The following SAMD12 variants were observed in gnomAD, a reference collection of about 807,000 sequenced individuals.
The protein encoded by SAMD12 is sterile alpha motif domain-containing protein 12.
In SAMD12, 9 loss-of-function variants were observed where a neutral mutation model predicts 15.0. That is an observed-to-expected ratio of 0.60 (90% CI 0.36 to 1.05). The LOEUF (loss-of-function observed/expected upper bound fraction) is 1.05. SAMD12 is among the 50% of genes least tolerant of loss of function. SAMD12 has a pLI of 0.01. For missense variants in SAMD12, 230 were observed against 234.2 expected (o/e 0.98, Z 0.12); for synonymous variants, 86 against 90.1 (o/e 0.96, Z 0.25).
intron 2 of SAMD12, among the ~76,000 whole-genome samples, chr8:118,498,703 G>T (rs1166417317): frequency 1.3e-5 from 2 of 152,156 alleles, no homozygotes; most frequent in African/African-American, 4.8e-5. Flanking sequence ...TACAAAAAAT[G>T]ATATTGCCAA....
chr8:118,252,903 C>T (rs1459382108), intron 4 of SAMD12, among the ~76,000 whole-genome samples: 1 of 152,180 alleles, frequency 6.6e-6, no homozygotes, highest in African/African-American at 2.4e-5. Context: ...GTCCCGGCAG[C>T]AGTCCCAGGC....
chr8:118,586,558 G>A (rs1156809465), intron 1 of SAMD12, among the ~76,000 whole-genome samples: 2 of 152,020 alleles, frequency 1.3e-5, no homozygotes, highest in Non-Finnish European at 2.9e-5. Flanking sequence ...GCCCAGGCTG[G>A]TCTTAGACTC....
At chr8:118,207,551 A>G (rs1819894816) in intron 4 of SAMD12, among the ~76,000 whole-genome samples, 1 of 152,162 alleles carries the variant, frequency 6.6e-6, no homozygotes, top group African/African-American at 2.4e-5. Context: ...CCGTCTCCAC[A>G]ATGTTAGACT....
intron 1 of SAMD12, among the ~76,000 whole-genome samples, chr8:118,589,145 A>G (rs1827519271): frequency 6.6e-6 from 1 of 152,220 alleles, no homozygotes; most frequent in Non-Finnish European, 1.5e-5. Flanking sequence ...TACATCAATG[A>G]GAAAGACAGG....
At chr8:118,188,530 G>A (rs920009621), downstream of SAMD12, among the ~76,000 whole-genome samples, 6 of 152,158 alleles carry the variant, frequency 3.9e-5, no homozygotes, top group African/African-American at 1.4e-4. Context: ...TTTACAGTAA[G>A]CATGTAATAA....
At chr8:118,610,122 G>A (rs1000479732) in intron 1 of SAMD12, among the ~76,000 whole-genome samples, 11 of 152,214 alleles carry the variant, frequency 7.2e-5, no homozygotes, top group South Asian at 2.1e-4. Flanking sequence ...GCTGGGGTAC[G>A]GGTGAATTTG....
intron 1 of SAMD12, among the ~76,000 whole-genome samples, chr8:118,608,626 C>G (rs1828035978): frequency 6.6e-6 from 1 of 152,108 alleles, no homozygotes. Flanking sequence ...GCCTCAGCCT[C>G]CCAAGTAGCT....
rs1586390652 is a variant in SAMD12, at chr8:118,255,717, G to A, written c.434-57985C>T. ...TTTCATGGCTGCATAGTATTCCATGGTGTATATGTGCCACATTTTCTTAAT... is the reference window on the plus strand; with the variant it reads ...TTTCATGGCTGCATAGTATTCCATGATGTATATGTGCCACATTTTCTTAAT... On this transcript the variant is annotated intron_variant, in intron 4 of 4. Coordinates refer to the SAMD12 transcript ENST00000409003. Among the ~76,000 whole-genome samples the A allele has an allele frequency of 2.6e-5, 4 of 151,684 alleles. No individual in the cohort carries two copies. The South Asian group carries it at 6.3e-4, about 24-fold the overall frequency.
intron 4 of SAMD12, among the ~76,000 whole-genome samples, chr8:118,348,667 C>A (rs1017314459): frequency 6.6e-6 from 1 of 152,286 alleles, no homozygotes; most frequent in Non-Finnish European, 1.5e-5. Flanking sequence ...CCACCGCACC[C>A]GGCCCGCTTA....
At chr8:118,166,559 A>G in the SAMD12 span, among the ~76,000 whole-genome samples, 9 of 152,292 alleles carry the variant, frequency 5.9e-5, no homozygotes, top group South Asian at 1.5e-3. Flanking sequence ...TCATCCAAAA[A>G]CCTCAAAGAA....
the SAMD12 span, among the ~76,000 whole-genome samples, chr8:118,151,931 T>C: frequency 0.017 from 2,615 of 150,312 alleles, 75 homozygotes; most frequent in African/African-American, 0.06. Flanking sequence ...CCAAGTGGAG[T>C]GCAGACTCTT....
At chr8:118,503,044 A>G (rs957286868) in intron 2 of SAMD12, among the ~76,000 whole-genome samples, 1 of 152,256 alleles carries the variant, frequency 6.6e-6, no homozygotes, top group Non-Finnish European at 1.5e-5. Context: ...AGGCAGAGAT[A>G]TTAGACACAT....
intron 4 of SAMD12, among the ~76,000 whole-genome samples, chr8:118,318,216 T>G (rs993070738): frequency 2.0e-5 from 3 of 150,834 alleles, no homozygotes; most frequent in Non-Finnish European, 2.9e-5. Flanking sequence ...CCAAAGAAGT[T>G]ATTATATGAA....
At chr8:118,471,417 T>C (rs1207443354) in intron 2 of SAMD12, among the ~76,000 whole-genome samples, 1 of 152,222 alleles carries the variant, frequency 6.6e-6, no homozygotes, top group Non-Finnish European at 1.5e-5. Flanking sequence ...GCAAAAATTT[T>C]AGTTGTACCA....
chr8:118,586,999 GATTT>G (rs144130979), intron 1 of SAMD12, among the ~76,000 whole-genome samples: 116 of 152,274 alleles, frequency 7.6e-4, no homozygotes, highest in African/African-American at 2.6e-3. Flanking sequence ...TGAAACTACT[GATTT>G]ATTTGACTGC....
chr8:118,489,114 G>A (rs1246894616), intron 2 of SAMD12, among the ~76,000 whole-genome samples: 8 of 152,084 alleles, frequency 5.3e-5, no homozygotes, highest in Non-Finnish European at 1.0e-4. Flanking sequence ...TAATGATTAT[G>A]TGTTTATTGG....
intron 2 of SAMD12, among the ~76,000 whole-genome samples, chr8:118,576,386 C>A (rs1043628557): frequency 2.6e-5 from 4 of 152,176 alleles, no homozygotes; most frequent in Non-Finnish European, 5.9e-5. Context: ...CACAGTTTGG[C>A]CCCAGCCTAT....
the SAMD12 span, among the ~76,000 whole-genome samples, chr8:118,163,045 C>A: frequency 6.6e-6 from 1 of 152,106 alleles, no homozygotes; most frequent in Admixed American, 6.5e-5. Context: ...TAAACAGAGG[C>A]ACATAACCTC....
intron 4 of SAMD12, among the ~76,000 whole-genome samples, chr8:118,255,269 A>T (rs1215591688): frequency 6.6e-6 from 1 of 152,144 alleles, no homozygotes; most frequent in East Asian, 1.9e-4. Flanking sequence ...CCAAATTTAG[A>T]TGAACAAGAA....
Sources: gnomAD v4.1 joint callset for allele counts (sites outside exome capture counted in the v4.1 genomes callset) on GRCh38, gnomAD v4.1.1 for gene constraint, MANE v1.5 for transcripts, NCBI Gene and HGNC (gene_info 2026-07-23, HGNC 2026-07-21) for gene names.